Variants in ICAM2 observed in about 807,000 individuals in gnomAD.
The protein encoded by ICAM2 is intercellular adhesion molecule 2.
In ICAM2, 14 loss-of-function variants were observed where a neutral mutation model predicts 19.1. The ratio of observed to expected loss-of-function variants is 0.73; its 90% CI spans 0.48 to 1.15. The LOEUF (loss-of-function observed/expected upper bound fraction) is 1.15, where lower values mean the gene tolerates loss of function less well. Ranked by LOEUF, ICAM2 falls within the 50% of genes most tolerant of loss-of-function variation. The pLI, the probability that ICAM2 is intolerant of heterozygous loss-of-function variation, is 0.00. For missense variants in ICAM2, 311 were observed against 355.4 expected (o/e 0.88, Z 1.00); for synonymous variants, 153 against 152.7 (o/e 1.00, Z -0.01).
intron 1 of ICAM2, among the ~76,000 whole-genome samples, chr17:64,018,209 C>T (rs1911791208): frequency 6.6e-6 from 1 of 151,686 alleles, no homozygotes; most frequent in South Asian, 2.1e-4. Context: ...TGGCGGGCAC[C>T]TGTAGTCCCA....
chr17:64,008,246 G>C (rs564170064), intron 1 of ICAM2, among the ~76,000 whole-genome samples: 2 of 152,242 alleles, frequency 1.3e-5, no homozygotes, highest in Admixed American at 1.3e-4. Context: ...AGGAGAACAG[G>C]GTGGAGTTTC....
Position 64,002,809 on chromosome 17 carries a change from G to A in ICAM2, c.766C>T (p.Arg256Trp), listed in dbSNP as rs572969791. The A allele has an allele frequency of 1.5e-5, 25 of 1,613,820 alleles. No homozygotes were observed. The highest frequency in any genetic ancestry group is 1.5e-4 in the Admixed American group (9 of 60,024). Residue 256 changes from arginine to tryptophan, a missense_variant, in exon 5 of 5, where the codon CGG becomes TGG. Coordinates refer to ENST00000579788, the MANE Select transcript of ICAM2 (RefSeq NM_001099789.2). ...FIFGQHLRQQRMGTYGVRAAW... is the reference protein window; with the variant it reads ...FIFGQHLRQQWMGTYGVRAAW... ...GCTCGCACCCCGTAGGTGCCCATCC[G>A]CTGCTGGCGCAAGTGCTGGCCGAAG...
chr17:64,003,433 C>T (rs1451807731), intron 4 of ICAM2: 1 of 584,698 alleles, frequency 1.7e-6, no homozygotes, highest in Non-Finnish European at 3.0e-6. Flanking sequence ...GGCCGAGGAA[C>T]TAGTTGACCT....
intron 1 of ICAM2, among the ~76,000 whole-genome samples, chr17:64,014,926 AT>A (rs1351879710): frequency 6.6e-6 from 1 of 152,148 alleles, no homozygotes; most frequent in Non-Finnish European, 1.5e-5. Context: ...AAAATAAAAA[AT>A]ATTACAAAAA....
intron 1 of ICAM2, among the ~76,000 whole-genome samples, chr17:64,018,753 G>T (rs547050972): frequency 2.8e-5 from 3 of 108,182 alleles, no homozygotes; most frequent in South Asian, 3.1e-4. Context: ...ACGGGGTCTC[G>T]TTGTGTCGCC....
intron 1 of ICAM2, among the ~76,000 whole-genome samples, chr17:64,010,315 C>T (rs967592027): frequency 2.6e-5 from 4 of 152,136 alleles, no homozygotes; most frequent in African/African-American, 9.7e-5. Context: ...ATTGTTTTCA[C>T]CATGAAATGT....
chr17:64,017,076 T>A (rs1380162898), intron 1 of ICAM2, among the ~76,000 whole-genome samples: 1 of 152,206 alleles, frequency 6.6e-6, no homozygotes, highest in Non-Finnish European at 1.5e-5. Flanking sequence ...GAGACAAAGA[T>A]GCCTATGATT....
In ICAM2 at chr17:64,004,942, A is replaced by T. The variant is rs747997710; in HGVS notation, c.328+165T>A. 4.9e-5 allele frequency: 37 copies of T among 758,470 alleles called. No homozygotes were observed. The African/African-American group carries it at 5.7e-4, about 12-fold the overall frequency. 47.0% of individuals were successfully genotyped at this position (758,470 alleles called of 1,614,324 possible). A position where few individuals can be genotyped will look rare whatever the true frequency, so the allele number is the denominator to read the frequency against. On this transcript the variant is annotated intron_variant, in intron 3 of 4. Coordinates refer to ENST00000579788, the MANE Select transcript of ICAM2 (RefSeq NM_001099789.2). ...AGATGCCAGCGGGCTCAAGGCATCC[A>T]ACCAAGGGCTGGCCTGGTCCTGCCC...
At position 64,010,053 on chromosome 17, in the gene ICAM2, C is replaced by T. The variant is rs536203086; in HGVS notation, c.-44-3318G>A. Among the ~76,000 whole-genome samples, 8 of 152,294 alleles carry T rather than the reference C, an allele frequency of 5.3e-5. No homozygotes were observed. The South Asian group carries it at 1.7e-3, about 32-fold the overall frequency. ...TGACCCCAGTTTACCAGCCTCTTGC[C>T]CTCCACAATGTCCTCTAAAATCCCA... On this transcript the variant is annotated intron_variant, in intron 1 of 4. Transcript: ENST00000579788.
intron 1 of ICAM2, among the ~76,000 whole-genome samples, chr17:64,011,498 T>A (rs1413498271): frequency 2.0e-5 from 3 of 152,064 alleles, no homozygotes; most frequent in Admixed American, 2.0e-4. Context: ...AGAGGTATAT[T>A]AAGGAGTGCC....
intron 1 of ICAM2, among the ~76,000 whole-genome samples, chr17:64,018,779 T>G (rs1195381407): frequency 7.5e-6 from 1 of 132,942 alleles, no homozygotes; most frequent in Non-Finnish European, 1.5e-5. Flanking sequence ...TGGAGTGCAG[T>G]GGCGCGATCT....
intron 1 of ICAM2, among the ~76,000 whole-genome samples, chr17:64,014,552 GAAGA>G (rs1226320519): frequency 9.3e-5 from 10 of 107,958 alleles, no homozygotes; most frequent in East Asian, 6.7e-4. Context: ...AGGAAGGAAG[GAAGA>G]AAGAAAGAGA....
intron 1 of ICAM2, among the ~76,000 whole-genome samples, chr17:64,016,499 C>G (rs1418623044): frequency 6.6e-6 from 1 of 152,190 alleles, no homozygotes; most frequent in African/African-American, 2.4e-5. Flanking sequence ...ATTTACTTGC[C>G]AGCTAGTGAT....
intron 1 of ICAM2, among the ~76,000 whole-genome samples, chr17:64,015,486 T>A (rs1391763596): frequency 1.3e-5 from 2 of 152,178 alleles, no homozygotes; most frequent in East Asian, 3.8e-4. Flanking sequence ...TTACGGCTAA[T>A]CCCAGCACTT....
At chr17:64,007,327 T>C (rs1408123903) in intron 1 of ICAM2, among the ~76,000 whole-genome samples, 1 of 151,998 alleles carries the variant, frequency 6.6e-6, no homozygotes, top group Non-Finnish European at 1.5e-5. Context: ...TGTGGCACAA[T>C]TTTTGGTTCA....
In ICAM2 at chr17:64,002,655, C is replaced by T; in HGVS notation, c.*92G>A. ...AATGTCCCAAGTCTCTGCTGCCTGT[C>T]ACAGTCCTTCAGCCAGGGCTGGACC... On this transcript the variant is annotated 3_prime_UTR_variant, in exon 5 of 5. Coordinates refer to ENST00000579788, the MANE Select transcript of ICAM2 (RefSeq NM_001099789.2). 1 of 1,178,858 alleles carries T rather than the reference C, an allele frequency of 8.5e-7. No individual in the cohort carries two copies. 73.0% of individuals were successfully genotyped at this position (1,178,858 alleles called of 1,614,324 possible). A position where few individuals can be genotyped will look rare whatever the true frequency, so the allele number is the denominator to read the frequency against.
intron 1 of ICAM2, among the ~76,000 whole-genome samples, chr17:64,010,557 A>T (rs1911410862): frequency 6.8e-6 from 1 of 147,608 alleles, no homozygotes; most frequent in African/African-American, 2.5e-5. Flanking sequence ...AAAAAAAACT[A>T]TTAGAATTGT....
At chr17:64,007,131 C>T (rs1011586676) in intron 1 of ICAM2, among the ~76,000 whole-genome samples, 12 of 152,222 alleles carry the variant, frequency 7.9e-5, no homozygotes, top group African/African-American at 2.9e-4. Flanking sequence ...CTTGCAGTTA[C>T]CATAGCAAAA....
chr17:64,013,907 A>G (rs1475573401), intron 1 of ICAM2, among the ~76,000 whole-genome samples: 3 of 152,090 alleles, frequency 2.0e-5, no homozygotes, highest in Admixed American at 2.0e-4. Flanking sequence ...CTTATGAGTA[A>G]TGATGCGGAC....
Sources: allele counts gnomAD v4.1 joint callset (sites outside exome capture counted in the v4.1 genomes callset), GRCh38; gene constraint gnomAD v4.1.1; transcripts MANE v1.5; gene names NCBI Gene and HGNC (gene_info 2026-07-23, HGNC 2026-07-21).